CLEC12A: variants seen among roughly 807,000 people sequenced by gnomAD.
CLEC12A encodes the protein C-type lectin domain family 12 member A.
CLEC12A carries 22 observed loss-of-function variants against 26.5 expected under a neutral mutation model. The observed-to-expected ratio is 0.83, with a 90% CI of 0.59 to 1.19. The LOEUF (loss-of-function observed/expected upper bound fraction) is 1.19. CLEC12A is among the 50% of genes most tolerant of loss of function. The pLI, the probability that CLEC12A is intolerant of heterozygous loss-of-function variation, is 0.00. For synonymous variants in CLEC12A, 119 were observed against 101.9 expected (o/e 1.17, Z -1.01); for missense variants, 353 against 315.6 (o/e 1.12, Z -0.90).
Position 9,982,112 on chromosome 12 carries a change from A to T in CLEC12A, c.624A>T (p.Ile208=). ...CTCGTGGTATGAGAGTGGATAATAT[A>T]ATCAACTCCTCTGCCTGGTAAGTGT... ...DSTRGMRVDN[I]INSSAWVIRN... is the part of the protein sequence containing the mutation. Residue 208 remains isoleucine, a synonymous_variant, in exon 5 of 6, where the codon ATA becomes ATT. Coordinates refer to ENST00000304361, the MANE Select transcript of CLEC12A (RefSeq NM_138337.6). 1 of 1,558,018 alleles carries T rather than the reference A, an allele frequency of 6.4e-7. No homozygotes were observed. Among genetic ancestry groups the T allele is most frequent in the Non-Finnish European group, 8.8e-7 (1 of 1,129,960 alleles).
intron 1 of CLEC12A, among the ~76,000 whole-genome samples, chr12:9,974,605 T>A (rs1238197189): frequency 1.3e-5 from 2 of 152,194 alleles, no homozygotes; most frequent in South Asian, 4.1e-4. Flanking sequence ...AATATATATT[T>A]AAATACAATT....
intron 1 of CLEC12A, among the ~76,000 whole-genome samples, chr12:9,963,071 A>T (rs471463): frequency 0.52 from 78,488 of 151,954 alleles, 22,092 homozygotes; most frequent in South Asian, 0.64. Flanking sequence ...AACATTTGTC[A>T]TTTAGAATTA....
chr12:9,988,896 A>G (rs568190229), downstream of CLEC12A, among the ~76,000 whole-genome samples: 3 of 152,206 alleles, frequency 2.0e-5, no homozygotes, highest in African/African-American at 7.2e-5. Flanking sequence ...ACATGTTGCT[A>G]TAAAGACACA....
intron 5 of CLEC12A, among the ~76,000 whole-genome samples, chr12:9,982,845 T>C (rs1313873336): frequency 6.6e-6 from 1 of 152,140 alleles, no homozygotes; most frequent in Non-Finnish European, 1.5e-5. Flanking sequence ...TTTATGTGCA[T>C]GTGTACATAT....
At chr12:9,973,244 T>A (rs1407288353) in intron 1 of CLEC12A, among the ~76,000 whole-genome samples, 1 of 152,104 alleles carries the variant, frequency 6.6e-6, no homozygotes, top group East Asian at 1.9e-4. Flanking sequence ...GAGGATTATT[T>A]GAGGCCAGAA....
upstream of CLEC12A, among the ~76,000 whole-genome samples, chr12:9,968,664 G>T (rs1864026350): frequency 6.6e-6 from 1 of 152,134 alleles, no homozygotes; most frequent in Non-Finnish European, 1.5e-5. Context: ...GCATATGATG[G>T]CTTAGCTTGG....
Position 9,963,815 on chromosome 12 carries a change from T to C in CLEC12A, c.11-7762T>C, listed in dbSNP as rs185696608. ...TGAAAGGGGTGTCTTGTACCCAGAC[T>C]CCTGGGGATCCAGCTAGGGCAGCAG... On this transcript the variant is annotated intron_variant, in intron 1 of 6. Transcript: ENST00000355690. Among the ~76,000 whole-genome samples the C allele has an allele frequency of 3.2e-3, 485 of 152,280 alleles. 1 individual carries two copies. The highest frequency in any genetic ancestry group is 5.3e-3 in the Non-Finnish European group (359 of 68,022).
At chr12:10,002,693 C>T in the CLEC12A span, among the ~76,000 whole-genome samples, 8 of 152,214 alleles carry the variant, frequency 5.3e-5, no homozygotes, top group South Asian at 4.1e-4. Context: ...CCGCCCGCCT[C>T]GGCCTCCCCA....
rs150833044 is a variant in CLEC12A, at chr12:9,979,036, C to T, written c.162C>T (p.Leu54=). 6.2e-6 allele frequency: 10 copies of T among 1,613,710 alleles called. No individual in the cohort carries two copies. In the African/African-American group the frequency reaches 1.3e-4, roughly 22 times the overall value. The change falls in exon 2 of 6, where the codon CTC becomes CTT. Residue 54 remains leucine (L), a synonymous_variant. Coordinates refer to ENST00000304361, the MANE Select transcript of CLEC12A (RefSeq NM_138337.6). ...LFLTLLCLLL[L]IGLGVLASMF... is the part of the protein sequence containing the mutation. ...TGACTCTTCTGTGCCTTCTGTTGCT[C>T]ATTGGATTGGGAGTCTTGGCAAGCA... is the stretch of plus-strand genomic sequence containing the variant.
intron 1 of CLEC12A, among the ~76,000 whole-genome samples, chr12:9,957,219 G>A (rs1863754986): frequency 6.6e-6 from 1 of 152,154 alleles, no homozygotes; most frequent in African/African-American, 2.4e-5. Flanking sequence ...GTAGGGCGGT[G>A]GCTCATGCCT....
intron 1 of CLEC12A, among the ~76,000 whole-genome samples, chr12:9,978,624 A>G (rs1055912254): frequency 5.9e-5 from 9 of 152,102 alleles, no homozygotes; most frequent in African/African-American, 2.2e-4. Context: ...ACTTTTCCCA[A>G]ATTTGTACAA....
chr12:9,986,240 G>A (rs1864762467), downstream of CLEC12A: 1 of 375,630 alleles, frequency 2.7e-6, no homozygotes, highest in East Asian at 8.4e-5. Flanking sequence ...ACAGAAAAAG[G>A]AACCTATTCC....
At chr12:9,962,059 A>G (rs957022474) in intron 1 of CLEC12A, among the ~76,000 whole-genome samples, 4 of 152,180 alleles carry the variant, frequency 2.6e-5, no homozygotes, top group African/African-American at 9.7e-5. Context: ...TTCATCAGCT[A>G]TAGTTTCTGC....
intron 4 of CLEC12A, chr12:9,991,618 A>G (rs913454176): frequency 5.3e-5 from 8 of 152,124 alleles, no homozygotes; most frequent in African/African-American, 1.9e-4. Context: ...ATTTTTCCTA[A>G]GCCCTCCAAA....
At chr12:9,952,375 C>T (rs1467401587) in intron 1 of CLEC12A, among the ~76,000 whole-genome samples, 3 of 150,910 alleles carry the variant, frequency 2.0e-5, no homozygotes, top group Non-Finnish European at 4.4e-5. Flanking sequence ...CGGGGTTTCG[C>T]TGTGTTGGCC....
At chr12:9,996,951 A>T, downstream of CLEC12A, 1 of 1,614,108 alleles carries the variant, frequency 6.2e-7, no homozygotes, top group Non-Finnish European at 8.5e-7. Flanking sequence ...CATAGCAGCT[A>T]TCTCCATAAT....
intron 1 of CLEC12A, among the ~76,000 whole-genome samples, chr12:9,975,895 G>T (rs1473888822): frequency 6.6e-6 from 1 of 152,202 alleles, no homozygotes; most frequent in African/African-American, 2.4e-5. Flanking sequence ...CTCCAGCCAT[G>T]ACTAAAAGAG....
upstream of CLEC12A, among the ~76,000 whole-genome samples, chr12:9,969,776 T>A (rs938476960): frequency 6.6e-6 from 1 of 152,092 alleles, no homozygotes; most frequent in Non-Finnish European, 1.5e-5. Flanking sequence ...CTAGGAAAAA[T>A]AGAGGGCTAC....
downstream of CLEC12A, chr12:9,996,689 T>A (rs1865056120): frequency 1.3e-6 from 1 of 767,678 alleles, no homozygotes; most frequent in African/African-American, 1.7e-5. Context: ...GGATTGAATA[T>A]CTGGGTTCTG....
Sources: allele counts gnomAD v4.1 joint callset (sites outside exome capture counted in the v4.1 genomes callset), GRCh38; gene constraint gnomAD v4.1.1; transcripts MANE v1.5; gene names NCBI Gene and HGNC (gene_info 2026-07-23, HGNC 2026-07-21).